The following FOXP2 variants were observed in gnomAD, a reference collection of about 807,000 sequenced individuals.
The protein encoded by FOXP2 is forkhead box P2.
FOXP2 carries 12 observed loss-of-function variants against 115.8 expected under a neutral mutation model. The ratio of observed to expected loss-of-function variants is 0.10; its 90% CI spans 0.07 to 0.17. FOXP2 has a LOEUF of 0.17. Ranked by LOEUF, FOXP2 falls within the 10% of genes least tolerant of loss-of-function variation. The probability of loss-of-function intolerance (pLI) is 1.00; values close to 1 mark genes in which losing one functional copy is unlikely to be tolerated. For synonymous variants in FOXP2, 328 were observed against 297.7 expected, an observed-to-expected ratio of 1.10 and a Z score of -1.05; for missense variants, 629 against 843.5, an observed-to-expected ratio of 0.75 and a Z score of 3.15.
intron 1 of FOXP2, among the ~76,000 whole-genome samples, chr7:114,202,826 A>C (rs977566480): frequency 2.2e-4 from 33 of 152,218 alleles, no homozygotes; most frequent in African/African-American, 8.0e-4. Context: ...CTGGTATATA[A>C]TAGGAACTCA....
At chr7:114,117,224 CTTTT>C (rs749660809) in intron 1 of FOXP2, among the ~76,000 whole-genome samples, 1 of 140,764 alleles carries the variant, frequency 7.1e-6, no homozygotes. Flanking sequence ...CATTACATTA[CTTTT>C]TTTTTTTTTT....
chr7:114,583,647 G>A (rs964744642), intron 3 of FOXP2, among the ~76,000 whole-genome samples: 38 of 152,172 alleles, frequency 2.5e-4, no homozygotes, highest in African/African-American at 9.2e-4. Context: ...ATTCCTTTCA[G>A]GAAAATAGTT....
chr7:114,534,530 A>G (rs1799286015), intron 2 of FOXP2, 87 bp from the exon 3 acceptor site: 4 of 1,064,382 alleles, frequency 3.8e-6, no homozygotes, highest in Non-Finnish European at 4.4e-6. Context: ...GTTCTTGTAC[A>G]TTGAAGCCTT....
intron 2 of FOXP2, among the ~76,000 whole-genome samples, chr7:114,473,920 A>G (rs939031912): frequency 9.9e-5 from 15 of 152,224 alleles, no homozygotes; most frequent in African/African-American, 3.1e-4. Context: ...GTCTGTAACA[A>G]CAACAAAAAT....
At chr7:114,347,231 T>G (rs933516635) in intron 2 of FOXP2, among the ~76,000 whole-genome samples, 22 of 151,932 alleles carry the variant, frequency 1.4e-4, no homozygotes, top group Non-Finnish European at 1.3e-4. Context: ...ACTTTTGTTT[T>G]CTGGTGTGTT....
intron 2 of FOXP2, among the ~76,000 whole-genome samples, chr7:114,461,548 T>G (rs1479045483): frequency 6.6e-6 from 1 of 152,184 alleles, no homozygotes; most frequent in Non-Finnish European, 1.5e-5. Flanking sequence ...ATTCAAACTT[T>G]AGGCAACTTG....
At chr7:114,575,558 T>C (rs984417317) in intron 3 of FOXP2, among the ~76,000 whole-genome samples, 1 of 151,886 alleles carries the variant, frequency 6.6e-6, no homozygotes, top group Non-Finnish European at 1.5e-5. Context: ...AAATGCTTTC[T>C]GACTTGTTAA....
intron 2 of FOXP2, among the ~76,000 whole-genome samples, chr7:114,463,439 G>A (rs1457953934): frequency 6.6e-6 from 1 of 152,176 alleles, no homozygotes; most frequent in Non-Finnish European, 1.5e-5. Context: ...CTGAGGAAAT[G>A]AATGTTTTAA....
At chr7:114,211,966 G>T (rs1393317268) in intron 1 of FOXP2, among the ~76,000 whole-genome samples, 1 of 151,888 alleles carries the variant, frequency 6.6e-6, no homozygotes, top group Non-Finnish European at 1.5e-5. Flanking sequence ...CCAGCTACTC[G>T]GGAGGCTGAG....
chr7:114,297,161 A>C, intron 2 of FOXP2: 2 of 494,714 alleles, frequency 4.0e-6, no homozygotes, highest in South Asian at 3.3e-5. Flanking sequence ...AACGTTTCTC[A>C]GCTCCTCCTG....
intron 3 of FOXP2, among the ~76,000 whole-genome samples, chr7:114,620,633 A>C (rs1804198402): frequency 6.6e-6 from 1 of 152,108 alleles, no homozygotes. Flanking sequence ...GTTATTAAAC[A>C]AAATATTGCA....
At chr7:114,516,456 C>T (rs1798349920) in intron 2 of FOXP2, among the ~76,000 whole-genome samples, 1 of 151,958 alleles carries the variant, frequency 6.6e-6, no homozygotes, top group Non-Finnish European at 1.5e-5. Context: ...CCATAAAAAC[C>T]CTAGAAGAAA....
chr7:114,317,322 A>G (rs1797300317), intron 2 of FOXP2, among the ~76,000 whole-genome samples: 1 of 152,198 alleles, frequency 6.6e-6, no homozygotes, highest in South Asian at 2.1e-4. Context: ...ATCGAAACCA[A>G]TAACTTAGAG....
intron 2 of FOXP2, among the ~76,000 whole-genome samples, chr7:114,349,147 G>A (rs117717824): frequency 2.0e-5 from 3 of 151,458 alleles, no homozygotes; most frequent in Non-Finnish European, 4.4e-5. Flanking sequence ...TCTGTATTCC[G>A]CAAATCACCT....
At chr7:114,573,845 A>C (rs1050948852) in intron 3 of FOXP2, among the ~76,000 whole-genome samples, 8 of 151,886 alleles carry the variant, frequency 5.3e-5, no homozygotes, top group African/African-American at 1.9e-4. Context: ...GTTAAAGCCC[A>C]AATTATCTCA....
intron 3 of FOXP2, among the ~76,000 whole-genome samples, chr7:114,616,690 T>C (rs1032110809): frequency 2.6e-5 from 4 of 152,168 alleles, no homozygotes; most frequent in Non-Finnish European, 5.9e-5. Context: ...TATAGATTAA[T>C]AGGTAACTCC....
intron 3 of FOXP2, among the ~76,000 whole-genome samples, chr7:114,536,397 C>CTTTTTTTTTTTTTTTT (rs3997242): frequency 8.0e-5 from 9 of 112,358 alleles, no homozygotes; most frequent in Admixed American, 9.4e-5. Flanking sequence ...TTTTTCTTTT[C>CTTTTTTTTTTTTTTTT]TTTTTTTTTT....
At chr7:114,196,944 C>A (rs1793928214) in intron 1 of FOXP2, among the ~76,000 whole-genome samples, 1 of 152,178 alleles carries the variant, frequency 6.6e-6, no homozygotes, top group Non-Finnish European at 1.5e-5. Context: ...ATAATCCCAG[C>A]ATTTTGAGAG....
At chr7:114,407,777 G>T (rs1003054755) in intron 2 of FOXP2, among the ~76,000 whole-genome samples, 4 of 152,086 alleles carry the variant, frequency 2.6e-5, no homozygotes, top group African/African-American at 9.7e-5. Flanking sequence ...CAAAAAGTAT[G>T]GGTGCATGCT....
Sources: gnomAD v4.1 joint callset for allele counts (sites outside exome capture counted in the v4.1 genomes callset) on GRCh38, gnomAD v4.1.1 for gene constraint, MANE v1.5 for transcripts, NCBI Gene and HGNC (gene_info 2026-07-23, HGNC 2026-07-21) for gene names.